ADAMTSL3: variants seen among roughly 807,000 people sequenced by gnomAD.
ADAMTSL3 encodes the protein ADAMTS like 3, also known as ADAMTS-like protein 3.
A neutral mutation model predicts 201.7 loss-of-function variants in ADAMTSL3; 128 were observed. The observed-to-expected ratio is 0.63, with a 90% CI of 0.55 to 0.73. ADAMTSL3 has a LOEUF of 0.73. Among genes scored for constraint, ADAMTSL3 ranks in the 30% least tolerant of loss-of-function variants. ADAMTSL3 has a pLI of 0.00. For synonymous variants in ADAMTSL3, 738 were observed against 748.4 expected (o/e 0.99, Z 0.23); for missense variants, 1,990 against 2,119.6 (o/e 0.94, Z 1.20).
At chr15:83,755,166 A>T (rs185328407) in intron 3 of ADAMTSL3, among the ~76,000 whole-genome samples, 6 of 152,340 alleles carry the variant, frequency 3.9e-5, no homozygotes, top group Non-Finnish European at 7.3e-5. Context: ...TTTGAAAGAA[A>T]GGCTGTATTT....
chr15:83,740,716 A>G (rs1002398705), intron 3 of ADAMTSL3, among the ~76,000 whole-genome samples: 2 of 152,218 alleles, frequency 1.3e-5, no homozygotes, highest in African/African-American at 4.8e-5. Flanking sequence ...CCAATACAGT[A>G]TAACATCTTT....
At chr15:83,932,783 A>G (rs1317397547) in intron 17 of ADAMTSL3, among the ~76,000 whole-genome samples, 1 of 152,240 alleles carries the variant, frequency 6.6e-6, no homozygotes, top group Non-Finnish European at 1.5e-5. Context: ...ACAAAGACAT[A>G]ATGAGCATTA....
At chr15:83,932,663 G>C (rs1021253139) in intron 17 of ADAMTSL3, among the ~76,000 whole-genome samples, 1 of 152,118 alleles carries the variant, frequency 6.6e-6, no homozygotes, top group African/African-American at 2.4e-5. Context: ...TAGGAGTAGG[G>C]TTTATATTCA....
At chr15:83,795,199 A>T (rs1046076251) in intron 4 of ADAMTSL3, among the ~76,000 whole-genome samples, 7 of 152,092 alleles carry the variant, frequency 4.6e-5, no homozygotes, top group African/African-American at 1.4e-4. Context: ...ATTTTAAAAA[A>T]CTAGAAATGC....
At chr15:83,902,137 C>G (rs2065737331) in intron 15 of ADAMTSL3, among the ~76,000 whole-genome samples, 1 of 152,188 alleles carries the variant, frequency 6.6e-6, no homozygotes, top group Admixed American at 6.5e-5. Context: ...AAACTACCAT[C>G]CTTGTACAGG....
Position 83,693,120 on chromosome 15 carries a change from C to T in ADAMTSL3, c.70-11269C>T, listed in dbSNP as rs181664030. On this transcript the variant is annotated intron_variant, in intron 2 of 29. Transcript: ENST00000286744. ...GCTACTGAATTAACACAAATGCATG[C>T]GTGAGAATATACACAGATTTGTCTG... 6.4e-4 allele frequency among the ~76,000 whole-genome samples: 98 copies of T among 151,954 alleles called. 1 individual carries two copies. Among genetic ancestry groups the T allele is most frequent in the Non-Finnish European group, 1.2e-3 (82 of 67,976 alleles).
At chr15:83,804,122 G>A (rs1483380587) in intron 4 of ADAMTSL3, among the ~76,000 whole-genome samples, 1 of 150,696 alleles carries the variant, frequency 6.6e-6, no homozygotes, top group African/African-American at 2.4e-5. Flanking sequence ...CAGCCTGGGC[G>A]ACAGAGTGAG....
At chr15:83,880,283 A>T (rs1163504384) in intron 9 of ADAMTSL3, among the ~76,000 whole-genome samples, 1 of 151,906 alleles carries the variant, frequency 6.6e-6, no homozygotes, top group African/African-American at 2.4e-5. Context: ...AATTTGTCTA[A>T]TTTCCACTTT....
At chr15:83,728,860 A>T (rs2062222456) in intron 3 of ADAMTSL3, among the ~76,000 whole-genome samples, 1 of 151,990 alleles carries the variant, frequency 6.6e-6, no homozygotes, top group South Asian at 2.1e-4. Context: ...GTACCTTCAG[A>T]TGATTTCTTA....
chr15:83,825,560 A>G (rs2064004754), intron 6 of ADAMTSL3, among the ~76,000 whole-genome samples: 1 of 152,174 alleles, frequency 6.6e-6, no homozygotes, highest in Admixed American at 6.5e-5. Flanking sequence ...TCGAGGCTGC[A>G]CTGAACTATG....
In ADAMTSL3 at chr15:83,982,784, C is replaced by T. The variant is rs1283466602; in HGVS notation, c.3156C>T (p.Asn1052=). 2 of 1,613,994 alleles carry T rather than the reference C, an allele frequency of 1.2e-6. No homozygotes were observed. The highest frequency in any genetic ancestry group is 1.7e-6 in the Non-Finnish European group (2 of 1,180,030). ...DLYLDDDHIS[N]QPFLRALLGH... is the part of the protein sequence containing the mutation. Reference sequence around the variant, plus strand: ...ATCTGGATGATGACCACATTAGTAACCAGCCTTTCTTGAGAGCTCTGTTAG... The same window carrying T: ...ATCTGGATGATGACCACATTAGTAATCAGCCTTTCTTGAGAGCTCTGTTAG... The change falls in exon 21 of 30, where the codon AAC becomes AAT. Residue 1052 remains asparagine, a synonymous_variant. Transcript: ENST00000286744.
chr15:83,673,090 G>A (rs890281817), intron 2 of ADAMTSL3, among the ~76,000 whole-genome samples: 1 of 152,252 alleles, frequency 6.6e-6, no homozygotes, highest in African/African-American at 2.4e-5. Context: ...AAGAAGGAAT[G>A]CATGGAGTGG....
intron 2 of ADAMTSL3, among the ~76,000 whole-genome samples, chr15:83,688,747 CATAT>C (rs111314211): frequency 0.055 from 3,486 of 62,818 alleles, 45 homozygotes; most frequent in African/African-American, 0.057. Context: ...TATACACATG[CATAT>C]ATATACACAC....
At chr15:83,688,749 T>TACACACAC (rs1157433275) in intron 2 of ADAMTSL3, among the ~76,000 whole-genome samples, 1,959 of 48,924 alleles carry the variant, frequency 0.04, 18 homozygotes, top group South Asian at 0.086. Context: ...TACACATGCA[T>TACACACAC]ATATATACAC....
At chr15:83,869,865 C>G (rs1317982207) in intron 8 of ADAMTSL3, among the ~76,000 whole-genome samples, 1 of 152,004 alleles carries the variant, frequency 6.6e-6, no homozygotes, top group Non-Finnish European at 1.5e-5. Context: ...GCAATGAAAA[C>G]CCAAGGCAGA....
At chr15:83,671,681 C>G (rs189441703) in intron 2 of ADAMTSL3, among the ~76,000 whole-genome samples, 2 of 152,128 alleles carry the variant, frequency 1.3e-5, no homozygotes, top group Non-Finnish European at 2.9e-5. Flanking sequence ...CTGCTGTCCC[C>G]GACTCTTCTT....
intron 3 of ADAMTSL3, among the ~76,000 whole-genome samples, chr15:83,737,975 A>G (rs1345802312): frequency 6.6e-6 from 1 of 152,204 alleles, no homozygotes; most frequent in Non-Finnish European, 1.5e-5. Flanking sequence ...TACTGAACTC[A>G]CCTACACTGG....
intron 2 of ADAMTSL3, among the ~76,000 whole-genome samples, chr15:83,701,063 T>C (rs1471532946): frequency 1.3e-5 from 2 of 152,188 alleles, no homozygotes; most frequent in East Asian, 3.9e-4. Flanking sequence ...GTCAGAGGAA[T>C]ATGTTTACTC....
At position 83,704,498 on chromosome 15, in the gene ADAMTSL3, A is replaced by G. The variant is rs761224341; in HGVS notation, c.179A>G (p.Tyr60Cys). 54 of 1,614,058 alleles carry G rather than the reference A, an allele frequency of 3.3e-5. No homozygotes were observed. The East Asian group carries it at 5.8e-4, about 17-fold the overall frequency. The change falls in exon 3 of 30, where the codon TAT becomes TGT. Residue 60 changes from tyrosine (Y) to cysteine (C), a missense_variant. By Grantham distance (194) the Tyr-to-Cys change is radical. Transcript: ENST00000286744. Reference sequence around the variant, plus strand: ...GGGGAGCAGTTCCTCACTTATCGCTATGATGACCAGGTAAGAACATTGGAC... The same window carrying G: ...GGGGAGCAGTTCCTCACTTATCGCTGTGATGACCAGGTAAGAACATTGGAC... ...TTGEQFLTYRYDDQTSRNTRS... is the reference protein window; with the variant it reads ...TTGEQFLTYRCDDQTSRNTRS...
Sources: allele counts gnomAD v4.1 joint callset (sites outside exome capture counted in the v4.1 genomes callset), GRCh38; gene constraint gnomAD v4.1.1; transcripts MANE v1.5; gene names NCBI Gene and HGNC (gene_info 2026-07-23, HGNC 2026-07-21).